Variants in TRMT11 observed in about 807,000 individuals in gnomAD.
TRMT11 encodes the protein tRNA methyltransferase 11.
In TRMT11, 53 loss-of-function variants were observed where a neutral mutation model predicts 62.8. The observed-to-expected ratio is 0.84, with a 90% CI of 0.68 to 1.06. The LOEUF (loss-of-function observed/expected upper bound fraction) is 1.06, where lower values mean the gene tolerates loss of function less well. TRMT11 is among the 50% of genes least tolerant of loss of function. The pLI is 0.00. For synonymous variants in TRMT11, 188 were observed against 190.3 expected (o/e 0.99, Z 0.10); for missense variants, 556 against 553.4 (o/e 1.00, Z -0.05).
In TRMT11 at chr6:126,065,863, C is replaced by T. The variant is rs147334369; in HGVS notation, c.*1437+12673C>T. 8.9e-3 allele frequency among the ~76,000 whole-genome samples: 1,350 copies of T among 152,250 alleles called. 18 individuals are homozygous for T. Among genetic ancestry groups the T allele is most frequent in the African/African-American group, 0.031 (1,290 of 41,534 alleles). ...GACTGTAGACTGAAGTTGTCCTTCA[C>T]GTGTACAATGAAAATAATAGTACCT... On this transcript the variant is annotated intron_variant and NMD_transcript_variant, in intron 17 of 22. Coordinates refer to the TRMT11 transcript ENST00000648977.
At chr6:126,190,837 C>T (rs1778590091) in intron 1 of TRMT11, among the ~76,000 whole-genome samples, 1 of 152,168 alleles carries the variant, frequency 6.6e-6, no homozygotes, top group African/African-American at 2.4e-5. Flanking sequence ...TTAATGCATT[C>T]ATCCACTGAT....
At chr6:126,156,140 T>C (rs537611805) in intron 21 of TRMT11, among the ~76,000 whole-genome samples, 5 of 152,346 alleles carry the variant, frequency 3.3e-5, no homozygotes, top group South Asian at 4.1e-4. Context: ...AGCTCTGCCC[T>C]TGTGGCTTTG....
intron 16 of TRMT11, among the ~76,000 whole-genome samples, chr6:126,050,126 C>T (rs958117776): frequency 8.6e-5 from 13 of 151,838 alleles, no homozygotes; most frequent in South Asian, 2.1e-4. Flanking sequence ...GCCAGGAGTT[C>T]GGGACTAGCC....
chr6:126,041,509 T>C (rs1775879648), downstream of TRMT11, among the ~76,000 whole-genome samples: 1 of 152,152 alleles, frequency 6.6e-6, no homozygotes, highest in African/African-American at 2.4e-5. Flanking sequence ...CTGGAAATAT[T>C]ATCAAATATT....
At chr6:126,165,137 G>A (rs138952403) in intron 21 of TRMT11, among the ~76,000 whole-genome samples, 1,827 of 152,144 alleles carry the variant, frequency 0.012, 20 homozygotes, top group Non-Finnish European at 0.018. Flanking sequence ...AATTAGCTGG[G>A]CGTAGTGGTG....
chr6:126,262,534 A>G, the TRMT11 span, among the ~76,000 whole-genome samples: 2 of 152,122 alleles, frequency 1.3e-5, no homozygotes, highest in African/African-American at 4.8e-5. Context: ...ACCTCCCAGG[A>G]CAGGACACAC....
At chr6:126,142,188 G>A (rs935917105) in intron 21 of TRMT11, among the ~76,000 whole-genome samples, 2 of 152,028 alleles carry the variant, frequency 1.3e-5, no homozygotes, top group African/African-American at 4.8e-5. Flanking sequence ...GAAGATGTGT[G>A]ATACATAGTG....
chr6:126,204,833 G>A (rs1778774477), downstream of TRMT11, among the ~76,000 whole-genome samples: 1 of 152,210 alleles, frequency 6.6e-6, no homozygotes, highest in South Asian at 2.1e-4. Flanking sequence ...TGTTGAGCCA[G>A]GGATTAGTCA....
At chr6:125,995,094 A>G (rs1354003261) in intron 2 of TRMT11, among the ~76,000 whole-genome samples, 1 of 152,188 alleles carries the variant, frequency 6.6e-6, no homozygotes, top group Non-Finnish European at 1.5e-5. Flanking sequence ...ACGTTTACCT[A>G]TGCAACAAAC....
chr6:126,090,474 G>A (rs185387391), intron 17 of TRMT11, among the ~76,000 whole-genome samples: 1 of 152,146 alleles, frequency 6.6e-6, no homozygotes, highest in Non-Finnish European at 1.5e-5. Flanking sequence ...TTTAAGGGAA[G>A]TATATGTACA....
intron 21 of TRMT11, among the ~76,000 whole-genome samples, chr6:126,147,548 T>A (rs1448547223): frequency 1.3e-5 from 2 of 152,190 alleles, no homozygotes; most frequent in Non-Finnish European, 2.9e-5. Flanking sequence ...GTGTTCATGA[T>A]GGCTGTTCGT....
chr6:126,071,716 A>G (rs1043998238), intron 17 of TRMT11, among the ~76,000 whole-genome samples: 3 of 151,682 alleles, frequency 2.0e-5, no homozygotes, highest in Non-Finnish European at 4.4e-5. Context: ...GGGAAGAAGA[A>G]TGTGGGATTA....
chr6:126,143,249 G>C, intron 21 of TRMT11, among the ~76,000 whole-genome samples: 1 of 152,022 alleles, frequency 6.6e-6, no homozygotes, highest in East Asian at 1.9e-4. Flanking sequence ...TCACTGAAAG[G>C]CCCTTAGCTT....
the TRMT11 span, among the ~76,000 whole-genome samples, chr6:126,269,033 G>A: frequency 6.6e-6 from 1 of 151,376 alleles, no homozygotes; most frequent in African/African-American, 2.4e-5. Context: ...AGGCCGAGGC[G>A]GGCGGATCAC....
chr6:126,088,116 CTATATAGTATATATACTCTCTCTA>C (rs946653771), intron 17 of TRMT11, among the ~76,000 whole-genome samples: 3 of 151,040 alleles, frequency 2.0e-5, no homozygotes, highest in African/African-American at 7.4e-5. Context: ...AGTACATAGT[CTATATAGTATATATACTCTCTCTA>C]TATATAGTAT....
At chr6:126,134,705 C>T (rs994529509) in intron 21 of TRMT11, among the ~76,000 whole-genome samples, 9 of 151,702 alleles carry the variant, frequency 5.9e-5, no homozygotes, top group Non-Finnish European at 1.2e-4. Context: ...TTTTGATTAC[C>T]ACATGAAACA....
chr6:126,075,080 T>C (rs1776979429), intron 17 of TRMT11, among the ~76,000 whole-genome samples: 2 of 152,218 alleles, frequency 1.3e-5, no homozygotes, highest in Admixed American at 1.3e-4. Flanking sequence ...GAGTTTCTGC[T>C]ATTGTGTTCT....
chr6:126,093,631 A>ATATATATTTTTTTTTTTTTT (rs1554236842), intron 17 of TRMT11, among the ~76,000 whole-genome samples: 3 of 98,014 alleles, frequency 3.1e-5, no homozygotes, highest in African/African-American at 1.3e-4. Flanking sequence ...ATATATATAT[A>ATATATATTTTTTTTTTTTTT]TTTTCCCCCA....
intron 12 of TRMT11, among the ~76,000 whole-genome samples, chr6:126,033,140 C>T (rs1384082326): frequency 6.6e-6 from 1 of 152,204 alleles, no homozygotes; most frequent in South Asian, 2.1e-4. Context: ...TGGGAGAAGG[C>T]AGTAATTAGG....
Sources: gnomAD v4.1 joint callset for allele counts (sites outside exome capture counted in the v4.1 genomes callset) on GRCh38, gnomAD v4.1.1 for gene constraint, MANE v1.5 for transcripts, NCBI Gene and HGNC (gene_info 2026-07-23, HGNC 2026-07-21) for gene names.